Variants in CCDC30 observed in about 807,000 individuals in gnomAD.
CCDC30 encodes coiled-coil domain-containing protein 30.
Under a neutral mutation model 100.2 loss-of-function variants are expected in CCDC30, and 70 were observed. The observed-to-expected ratio is 0.70, with a 90% CI of 0.58 to 0.85. CCDC30 has a LOEUF of 0.85. Ranked by LOEUF, CCDC30 falls within the 40% of genes least tolerant of loss-of-function variation. The probability of loss-of-function intolerance (pLI) is 0.00; values close to 1 mark genes in which losing one functional copy is unlikely to be tolerated. For synonymous variants in CCDC30, 233 were observed against 269.5 expected, an observed-to-expected ratio of 0.86 and a Z score of 1.33; for missense variants, 652 against 771.2, an observed-to-expected ratio of 0.85 and a Z score of 1.83.
intron 10 of CCDC30, chr1:42,590,230 A>G (rs1004918494): frequency 2.6e-5 from 4 of 152,206 alleles, no homozygotes; most frequent in African/African-American, 9.7e-5. Context: ...TGCCGATACC[A>G]TGCTTCCTGT....
chr1:42,459,619 T>G, upstream of CCDC30: 2 of 1,613,680 alleles, frequency 1.2e-6, no homozygotes, highest in Non-Finnish European at 1.7e-6. Flanking sequence ...ATGAAGATGG[T>G]GCCAAAACTG....
intron 6 of CCDC30, among the ~76,000 whole-genome samples, chr1:42,506,720 G>C (rs754390902): frequency 3.3e-5 from 5 of 152,100 alleles, no homozygotes; most frequent in Non-Finnish European, 5.9e-5. Context: ...CATCAGGAGA[G>C]ACAATTTTGA....
chr1:42,475,542 T>G (rs1010983463), intron 1 of CCDC30, among the ~76,000 whole-genome samples: 5 of 152,102 alleles, frequency 3.3e-5, no homozygotes, highest in Admixed American at 6.5e-5. Flanking sequence ...ATTCTAGAAA[T>G]TAACATATGA....
chr1:42,593,702 C>T, intron 10 of CCDC30: 1 of 152,518 alleles, frequency 6.6e-6, no homozygotes, highest in Non-Finnish European at 1.5e-5. Context: ...AAAAAAGACA[C>T]TTACCACTTC....
rs1158614692 is a variant in CCDC30 at position 42,596,316 on chromosome 1, T to C, written c.1164+6833T>C. On this transcript the variant is annotated intron_variant, in intron 10 of 16. Transcript: ENST00000668663. The surrounding 1 kb of genome is among the most constrained non-coding windows in gnomAD (Gnocchi z 4.3). ...CCTCCTGTAGCATACCAGGTTCTTG[T>C]GAATATCTGAGAAAAATCCCCTTTT... 6.6e-6 allele frequency among the ~76,000 whole-genome samples: 1 copy of C among 152,154 alleles called. No individual in the cohort carries two copies. Among genetic ancestry groups the C allele is most frequent in the Non-Finnish European group, 1.5e-5 (1 of 68,032 alleles).
Position 42,637,384 on chromosome 1 carries a change from GA to G in CCDC30, c.1419+12del, listed in dbSNP as rs1181742114. 2 of 1,603,632 alleles carry G rather than the reference GA, an allele frequency of 1.2e-6. No homozygotes were observed. Among genetic ancestry groups the G allele is most frequent in the Admixed American group, 1.7e-5 (1 of 57,516 alleles). Reference sequence around the variant, plus strand: ...TGCAACATAAAATAGAAAAGGTGAGGAAAAAATAAAAGGTGAAGAGCTCACT... The same window carrying G: ...TGCAACATAAAATAGAAAAGGTGAGGAAAAATAAAAGGTGAAGAGCTCACT... On this transcript the variant is annotated splice_region_variant and intron_variant, in intron 12 of 16. Coordinates refer to ENST00000668663, the Ensembl canonical transcript of CCDC30.
At chr1:42,638,811 G>T (rs961355348) in intron 12 of CCDC30, among the ~76,000 whole-genome samples, 3 of 152,068 alleles carry the variant, frequency 2.0e-5, no homozygotes, top group Non-Finnish European at 2.9e-5. Flanking sequence ...AAGAGGCGGA[G>T]GTTGCAGTGA....
intron 1 of CCDC30, among the ~76,000 whole-genome samples, chr1:42,476,869 G>A (rs1244670149): frequency 1.4e-5 from 2 of 145,402 alleles, no homozygotes; most frequent in African/African-American, 5.1e-5. Flanking sequence ...TTTTACAAGA[G>A]TTCGTTGATG....
Position 42,589,246 on chromosome 1 carries a change from G to C in CCDC30, c.1002-75G>C. 3.3e-6 allele frequency: 4 copies of C among 1,206,736 alleles called. No homozygotes were observed. The South Asian group carries it at 6.6e-5, about 20-fold the overall frequency. The allele number at this position is 1,206,736 out of a possible 1,614,324, so 74.8% of individuals were successfully genotyped here. Reference sequence around the variant, plus strand: ...ACCAAAAAAAAAAAAAATCCCTTGTGATGCCATAAAAATTTTAGGTCTGAA... The same window carrying C: ...ACCAAAAAAAAAAAAAATCCCTTGTCATGCCATAAAAATTTTAGGTCTGAA... On this transcript the variant is annotated intron_variant, in intron 9 of 16. Coordinates refer to ENST00000668663, the Ensembl canonical transcript of CCDC30.
chr1:42,490,983 A>G (rs530448517), intron 4 of CCDC30, among the ~76,000 whole-genome samples: 52 of 148,440 alleles, frequency 3.5e-4, no homozygotes, highest in Non-Finnish European at 5.3e-4. Flanking sequence ...GCTTGCCTAT[A>G]TAAAAATGCT....
At chr1:42,606,116 CACAA>C (rs1182987998) in intron 10 of CCDC30, among the ~76,000 whole-genome samples, 23 of 152,302 alleles carry the variant, frequency 1.5e-4, no homozygotes, top group Admixed American at 1.4e-3. Flanking sequence ...AAAACACACA[CACAA>C]ACACTTACAG....
intron 7 of CCDC30, among the ~76,000 whole-genome samples, chr1:42,572,373 AT>A (rs1192431034): frequency 6.6e-6 from 1 of 151,922 alleles, no homozygotes; most frequent in Non-Finnish European, 1.5e-5. Flanking sequence ...TGTCATTTTA[AT>A]TTTTTCATTA....
At chr1:42,544,799 A>G (rs1173149725) in intron 6 of CCDC30, among the ~76,000 whole-genome samples, 1 of 152,000 alleles carries the variant, frequency 6.6e-6, no homozygotes, top group Non-Finnish European at 1.5e-5. Context: ...GAGCCATTGC[A>G]CCCGGCCAAG....
At chr1:42,516,913 T>A (rs1644563771) in intron 6 of CCDC30, among the ~76,000 whole-genome samples, 1 of 152,252 alleles carries the variant, frequency 6.6e-6, no homozygotes, top group Admixed American at 6.5e-5. Flanking sequence ...TTGTTTATCT[T>A]CTTTGGAGAA....
In CCDC30 at chr1:42,568,362, G is replaced by A. The variant is rs116324911; in HGVS notation, c.636+1887G>A. Among the ~76,000 whole-genome samples the A allele has an allele frequency of 3.9e-3, 586 of 152,160 alleles. 8 individuals carry two copies. Among genetic ancestry groups the A allele is most frequent in the African/African-American group, 0.013 (543 of 41,524 alleles). ...ACTCCTGACCTCAGGTGATCCTTCC[G>A]GCTTAGCTTCCCAAAGTGCTGGGAT... is the stretch of plus-strand genomic sequence containing the variant. On this transcript the variant is annotated intron_variant, in intron 7 of 16. Transcript: ENST00000668663.
At chr1:42,498,835 A>G (rs1370524011) in exon 6 of CCDC30, 1 of 1,233,502 alleles carries the variant, frequency 8.1e-7, no homozygotes, top group African/African-American at 1.6e-5. Context: ...GACTTAAAGG[A>G]GAGGTGTGTG....
upstream of CCDC30, chr1:42,459,905 T>A (rs1414613361): frequency 6.2e-7 from 1 of 1,608,052 alleles, no homozygotes; most frequent in Non-Finnish European, 8.5e-7. Context: ...GACACACAGC[T>A]TTTATAGGTG....
At chr1:42,503,633 TC>T (rs1465035456) in intron 6 of CCDC30, among the ~76,000 whole-genome samples, 1 of 152,246 alleles carries the variant, frequency 6.6e-6, no homozygotes, top group Non-Finnish European at 1.5e-5. Flanking sequence ...GGTAGCCTTT[TC>T]CTATTGGCAC....
At chr1:42,579,204 A>T (rs1645908419) in intron 8 of CCDC30, among the ~76,000 whole-genome samples, 1 of 150,474 alleles carries the variant, frequency 6.6e-6, no homozygotes, top group Non-Finnish European at 1.5e-5. Context: ...GTTGGCCGGG[A>T]TGGTCTTGAT....
Sources: gnomAD v4.1 joint callset for allele counts (sites outside exome capture counted in the v4.1 genomes callset) on GRCh38, gnomAD v4.1.1 for gene constraint, Gnocchi (gnomAD v3.1) non-coding constraint, MANE v1.5 for transcripts, NCBI Gene and HGNC (gene_info 2026-07-23, HGNC 2026-07-21) for gene names.